The following RFFL variants were observed in gnomAD, a reference collection of about 807,000 sequenced individuals.
RFFL encodes ring finger and FYVE like domain containing E3 ubiquitin protein ligase, also known as E3 ubiquitin-protein ligase rififylin.
In RFFL, 16 loss-of-function variants were observed where a neutral mutation model predicts 40.4. The ratio of observed to expected loss-of-function variants is 0.40; its 90% CI spans 0.27 to 0.60. The LOEUF (loss-of-function observed/expected upper bound fraction) is 0.60, where lower values mean the gene tolerates loss of function less well. Among genes scored for constraint, RFFL ranks in the 20% least tolerant of loss-of-function variants. The pLI, the probability that RFFL is intolerant of heterozygous loss-of-function variation, is 0.47. For synonymous variants in RFFL, 154 were observed against 167.9 expected (o/e 0.92, Z 0.64); for missense variants, 367 against 451.7 (o/e 0.81, Z 1.70).
chr17:35,078,476 G>T (rs2091388108), intron 1 of RFFL, among the ~76,000 whole-genome samples: 1 of 152,002 alleles, frequency 6.6e-6, no homozygotes, highest in South Asian at 2.1e-4. Context: ...CTAATTTTTT[G>T]TATTTTTTGG....
At position 35,051,374 on chromosome 17, in the gene RFFL, C is replaced by A. The variant is rs546836861; in HGVS notation, c.-9+12202G>T. ...AGCAGACAAACACATCCTGTTTGCA[C>A]TTGACTTCCTGTTTTGGGCTATCTG... On this transcript the variant is annotated intron_variant, in intron 1 of 6. Coordinates refer to ENST00000394597, the MANE Select transcript of RFFL (RefSeq NM_001017368.2). Among the ~76,000 whole-genome samples the A allele has an allele frequency of 2.0e-5, 3 of 152,324 alleles. No homozygotes were observed. The East Asian group carries it at 5.8e-4, about 29-fold the overall frequency.
At chr17:35,031,080 C>A (rs973918709) in intron 1 of RFFL, among the ~76,000 whole-genome samples, 1 of 151,984 alleles carries the variant, frequency 6.6e-6, no homozygotes, top group Non-Finnish European at 1.5e-5. Flanking sequence ...GGGCTTGTCC[C>A]CTGCAAAGAG....
chr17:35,056,674 G>C (rs762194175), intron 1 of RFFL, among the ~76,000 whole-genome samples: 2 of 152,020 alleles, frequency 1.3e-5, no homozygotes, highest in African/African-American at 4.8e-5. Flanking sequence ...ACCATGCCCA[G>C]CCTGGTTCTA....
At chr17:35,065,830 G>C (rs1218946111), upstream of RFFL, among the ~76,000 whole-genome samples, 3 of 152,186 alleles carry the variant, frequency 2.0e-5, no homozygotes. Context: ...TTACATTTTA[G>C]AGCTTAAAAA....
intron 1 of RFFL, among the ~76,000 whole-genome samples, chr17:35,049,028 T>C (rs2091216584): frequency 6.6e-6 from 1 of 152,228 alleles, no homozygotes; most frequent in Non-Finnish European, 1.5e-5. Flanking sequence ...ATTCTCTCCT[T>C]GCCAAGAACA....
intron 1 of RFFL, chr17:35,074,212 C>A (rs2091364895): frequency 6.6e-6 from 1 of 152,124 alleles, no homozygotes; most frequent in South Asian, 2.1e-4. Flanking sequence ...TGGGCCCAGA[C>A]AATCATAAAA....
chr17:35,021,907 T>C (rs2091011654), intron 2 of RFFL, 126 bp from the exon 3 acceptor site: 1 of 909,394 alleles, frequency 1.1e-6, no homozygotes, highest in African/African-American at 1.7e-5. Context: ...TTTACTAAGC[T>C]CTCTCATATA....
chr17:35,076,806 G>A (rs1188011194), intron 1 of RFFL: 1 of 222,844 alleles, frequency 4.5e-6, no homozygotes, highest in African/African-American at 2.3e-5. Flanking sequence ...ACCTTCAGAA[G>A]TCGACCTGTG....
At chr17:35,057,354 A>G (rs571609678) in intron 1 of RFFL, among the ~76,000 whole-genome samples, 2 of 151,770 alleles carry the variant, frequency 1.3e-5, no homozygotes, top group Non-Finnish European at 2.9e-5. Context: ...TCCTTCGGTC[A>G]CCTTCCTTCA....
At chr17:35,021,017 C>T (rs1417319690) in intron 3 of RFFL, among the ~76,000 whole-genome samples, 1 of 152,124 alleles carries the variant, frequency 6.6e-6, no homozygotes, top group Non-Finnish European at 1.5e-5. Flanking sequence ...AAGACTGCAA[C>T]AAAGGAGTTA....
chr17:35,006,782 C>G lies in RFFL; in HGVS notation c.*5186G>C, dbSNP rs1345212655. The stretch of plus-strand genomic sequence containing the variant: ...TTAACAGGCTCTGGACCTATAAGAT[C>G]AAGGACCACTGCGCCCCCTGGCCAC... On this transcript the variant is annotated 3_prime_UTR_variant, in exon 7 of 7. Coordinates refer to ENST00000394597, the MANE Select transcript of RFFL (RefSeq NM_001017368.2). 3 of 152,124 alleles carry G rather than the reference C, an allele frequency of 2.0e-5. No homozygotes were observed. The highest frequency in any genetic ancestry group is 7.3e-5 in the African/African-American group (3 of 41,292). The allele number at this position is 152,124 out of a possible 1,614,324, so 9.4% of individuals were successfully genotyped here.
upstream of RFFL, among the ~76,000 whole-genome samples, chr17:35,066,280 T>C (rs185102141): frequency 2.6e-5 from 4 of 152,330 alleles, no homozygotes; most frequent in Admixed American, 2.0e-4. Flanking sequence ...AACAGACATA[T>C]GTGATGTCAT....
At chr17:35,060,020 A>C (rs1308192166) in intron 1 of RFFL, among the ~76,000 whole-genome samples, 1 of 152,144 alleles carries the variant, frequency 6.6e-6, no homozygotes, top group African/African-American at 2.4e-5. Flanking sequence ...AGCACTCCAA[A>C]AGTTGTGAAG....
chr17:35,085,434 T>C (rs2091424543), intron 1 of RFFL, among the ~76,000 whole-genome samples: 1 of 152,228 alleles, frequency 6.6e-6, no homozygotes, highest in South Asian at 2.1e-4. Context: ...TGCAGTTTTT[T>C]GTTGTTGTTT....
chr17:35,051,094 A>G (rs2142356944), intron 1 of RFFL, among the ~76,000 whole-genome samples: 1 of 152,384 alleles, frequency 6.6e-6, no homozygotes, highest in South Asian at 2.1e-4. Flanking sequence ...TAACATCAAC[A>G]GTCAATTCAG....
chr17:35,034,339 T>TA (rs2091106122), intron 1 of RFFL, among the ~76,000 whole-genome samples: 1 of 150,912 alleles, frequency 6.6e-6, no homozygotes, highest in Non-Finnish European at 1.5e-5. Flanking sequence ...TCTCAAAAAT[T>TA]AAAAAAATAA....
At chr17:35,014,824 T>G in intron 5 of RFFL, 61 bp from the exon 6 acceptor site, 67 of 1,500,118 alleles carry the variant, frequency 4.5e-5, no homozygotes, top group Non-Finnish European at 5.5e-5. Flanking sequence ...ATACAGTCTC[T>G]TACTGCCCTG....
At chr17:35,042,037 G>A (rs1229717812) in intron 1 of RFFL, among the ~76,000 whole-genome samples, 1 of 151,988 alleles carries the variant, frequency 6.6e-6, no homozygotes, top group Non-Finnish European at 1.5e-5. Context: ...AAAATAAAAT[G>A]CCAATGACCT....
In RFFL at chr17:35,041,972, A is replaced by C. The variant is rs979272334; in HGVS notation, c.-8-15411T>G. Among the ~76,000 whole-genome samples, 41 of 152,086 alleles carry C rather than the reference A, an allele frequency of 2.7e-4. 1 individual carries two copies. The highest frequency in any genetic ancestry group is 1.5e-5 in the Non-Finnish European group (1 of 68,014). ...AGAGGTTGCAGTGAGCCAAGATCAC[A>C]CCACTGCACTCCAGCCTGGGCCACA... is the stretch of plus-strand genomic sequence containing the variant. On this transcript the variant is annotated intron_variant, in intron 1 of 6. Coordinates refer to ENST00000394597, the MANE Select transcript of RFFL (RefSeq NM_001017368.2).
Sources: allele counts gnomAD v4.1 joint callset (sites outside exome capture counted in the v4.1 genomes callset), GRCh38; gene constraint gnomAD v4.1.1; transcripts MANE v1.5; gene names NCBI Gene and HGNC (gene_info 2026-07-23, HGNC 2026-07-21).